The following ASPRV1 variants were observed in gnomAD, a reference collection of about 807,000 sequenced individuals.
ASPRV1 encodes the protein aspartic peptidase retroviral like 1, also known as retroviral-like aspartic protease 1.
In ASPRV1, 7 loss-of-function variants were observed where a neutral mutation model predicts 11.0. That is an observed-to-expected ratio of 0.64 (90% CI 0.36 to 1.20). The LOEUF is 1.20. Ranked by LOEUF, ASPRV1 falls within the 50% of genes most tolerant of loss-of-function variation. The probability of loss-of-function intolerance (pLI) is 0.02; values close to 1 mark genes in which losing one functional copy is unlikely to be tolerated. For synonymous variants in ASPRV1, 136 were observed against 138.4 expected (o/e 0.98, Z 0.12); for missense variants, 299 against 320.0 (o/e 0.93, Z 0.50).
chr2:69,939,738 G>C, the ASPRV1 span: 1 of 152,458 alleles, frequency 6.6e-6, no homozygotes, highest in African/African-American at 2.4e-5. Flanking sequence ...TGCTGAAGCA[G>C]AGTGTGTCAC....
At chr2:69,965,265 C>T (rs1468282339), upstream of ASPRV1, among the ~76,000 whole-genome samples, 1 of 152,076 alleles carries the variant, frequency 6.6e-6, no homozygotes, top group African/African-American at 2.4e-5. Context: ...GATCTCCTGA[C>T]CTTGTGATCC....
At chr2:69,950,482 C>A in the ASPRV1 span, among the ~76,000 whole-genome samples, 1 of 152,038 alleles carries the variant, frequency 6.6e-6, no homozygotes, top group Non-Finnish European at 1.5e-5. Flanking sequence ...GGTTGCAGTA[C>A]ATTCCTTTTC....
chr2:70,037,544 C>CT, the ASPRV1 span, among the ~76,000 whole-genome samples: 1 of 152,214 alleles, frequency 6.6e-6, no homozygotes, highest in Non-Finnish European at 1.5e-5. Context: ...GCATGAGGCA[C>CT]TGCGCCTGGC....
At chr2:70,048,665 T>C in the ASPRV1 span, 1 of 152,324 alleles carries the variant, frequency 6.6e-6, no homozygotes, top group East Asian at 1.9e-4. Flanking sequence ...AGGACTGCCA[T>C]AACAAATTAC....
At chr2:70,020,645 G>A in the ASPRV1 span, among the ~76,000 whole-genome samples, 1 of 152,174 alleles carries the variant, frequency 6.6e-6, no homozygotes, top group South Asian at 2.1e-4. Flanking sequence ...GGGAGGCTGA[G>A]GCAGGAGAAT....
chr2:70,081,182 G>T, the ASPRV1 span: 3 of 152,308 alleles, frequency 2.0e-5, no homozygotes, highest in South Asian at 2.1e-4. Flanking sequence ...TACAATATGG[G>T]TAAGATACAT....
At chr2:70,041,942 C>T in the ASPRV1 span, among the ~76,000 whole-genome samples, 3 of 152,118 alleles carry the variant, frequency 2.0e-5, no homozygotes, top group South Asian at 2.1e-4. Context: ...TGATTACTAC[C>T]TTCATCTGGA....
At chr2:69,974,583 A>G in the ASPRV1 span, among the ~76,000 whole-genome samples, 2 of 152,142 alleles carry the variant, frequency 1.3e-5, no homozygotes, top group African/African-American at 4.8e-5. Context: ...GGCCCTCAAA[A>G]GGCTCTCCAA....
the ASPRV1 span, among the ~76,000 whole-genome samples, chr2:69,989,404 G>A: frequency 8.0e-4 from 122 of 152,356 alleles, no homozygotes; most frequent in African/African-American, 2.8e-3. Context: ...CCACAGCACA[G>A]CACAGGACAG....
the ASPRV1 span, among the ~76,000 whole-genome samples, chr2:70,039,959 TGAG>T: frequency 6.6e-6 from 1 of 151,852 alleles, no homozygotes. Context: ...ATCAAGGAAA[TGAG>T]GAGGAGGAGG....
chr2:69,961,685 C>T, upstream of ASPRV1: 1 of 1,537,432 alleles, frequency 6.5e-7, no homozygotes, highest in Non-Finnish European at 8.7e-7. Flanking sequence ...CCTGGGCTCC[C>T]CATTCTCCTT....
chr2:69,972,124 C>G, the ASPRV1 span, among the ~76,000 whole-genome samples: 3 of 144,556 alleles, frequency 2.1e-5, no homozygotes, highest in African/African-American at 7.7e-5. Flanking sequence ...TGCAGTGGCG[C>G]GATCTCGGCT....
the ASPRV1 span, among the ~76,000 whole-genome samples, chr2:69,972,850 C>A: frequency 1.3e-5 from 2 of 152,034 alleles, no homozygotes; most frequent in Non-Finnish European, 2.9e-5. Context: ...TCTCACTCCA[C>A]CCTATCCCAG....
the ASPRV1 span, among the ~76,000 whole-genome samples, chr2:70,025,604 T>A: frequency 6.6e-6 from 1 of 152,176 alleles, no homozygotes; most frequent in Non-Finnish European, 1.5e-5. Context: ...ATCGTGCCAA[T>A]GATTTACTCC....
At chr2:69,978,502 G>T in the ASPRV1 span, among the ~76,000 whole-genome samples, 1 of 152,210 alleles carries the variant, frequency 6.6e-6, no homozygotes, top group Non-Finnish European at 1.5e-5. Context: ...AAGCAGTTAT[G>T]CGGATTAAAG....
chr2:69,969,391 A>T, the ASPRV1 span, among the ~76,000 whole-genome samples: 1 of 152,094 alleles, frequency 6.6e-6, no homozygotes, highest in African/African-American at 2.4e-5. Flanking sequence ...TGGCCCTCTC[A>T]GCCTCAAGGA....
the ASPRV1 span, among the ~76,000 whole-genome samples, chr2:70,057,425 C>G: frequency 6.6e-6 from 1 of 152,014 alleles, no homozygotes; most frequent in Non-Finnish European, 1.5e-5. Context: ...TCCACATCAG[C>G]TTGTTTATGT....
At chr2:69,971,228 T>G in the ASPRV1 span, 2 of 152,156 alleles carry the variant, frequency 1.3e-5, no homozygotes, top group East Asian at 1.9e-4. Flanking sequence ...TTCATCATAA[T>G]CCAGTACACA....
chr2:70,027,959 A>T, the ASPRV1 span, among the ~76,000 whole-genome samples: 1 of 152,214 alleles, frequency 6.6e-6, no homozygotes, highest in African/African-American at 2.4e-5. Flanking sequence ...ATGTTCAATT[A>T]TGTAGTCAAG....
Sources: allele counts gnomAD v4.1 joint callset (sites outside exome capture counted in the v4.1 genomes callset), GRCh38; gene constraint gnomAD v4.1.1; transcripts MANE v1.5; gene names NCBI Gene and HGNC (gene_info 2026-07-23, HGNC 2026-07-21).